OR9G4: variants seen among roughly 807,000 people sequenced by gnomAD.
OR9G4 encodes the protein olfactory receptor family 9 subfamily G member 4.
In OR9G4, 19 loss-of-function variants were observed where a neutral mutation model predicts 16.7. The ratio of observed to expected loss-of-function variants is 1.14; its 90% confidence interval spans 0.79 to 1.67. The LOEUF (loss-of-function observed/expected upper bound fraction) is 1.67. Ranked by LOEUF, OR9G4 falls within the 40% of genes most tolerant of loss-of-function variation. The pLI, the probability that OR9G4 is intolerant of heterozygous loss-of-function variation, is 0.00. For synonymous variants in OR9G4, 182 were observed against 146.2 expected, an observed-to-expected ratio of 1.24 and a Z score of -1.76; for missense variants, 428 against 370.4, an observed-to-expected ratio of 1.16 and a Z score of -1.28.
chr11:56,741,303 T>C lies in OR9G4; in HGVS notation c.*1525A>G, dbSNP rs1241489019. On this transcript the variant is annotated 3_prime_UTR_variant, in exon 2 of 2. Coordinates refer to ENST00000641668, the MANE Select transcript of OR9G4 (RefSeq NM_001005284.2). ...CTACAGTATTGTAGATTCAATTGAA[T>C]ACTGATACAGTTTTTAAAATTCAGT... is the stretch of plus-strand genomic sequence containing the variant. The C allele has an allele frequency of 5.5e-6, 1 of 183,142 alleles. No individual in the cohort carries two copies. Among genetic ancestry groups the C allele is most frequent in the Non-Finnish European group, 1.1e-5 (1 of 87,006 alleles). The allele number at this position is 183,142 out of a possible 1,614,324, so 11.3% of individuals were successfully genotyped here.
intron 1 of OR9G4, among the ~76,000 whole-genome samples, chr11:56,746,279 C>G (rs1023006350): frequency 3.8e-5 from 4 of 105,688 alleles, no homozygotes; most frequent in Non-Finnish European, 5.1e-5. Flanking sequence ...GGCGACAGAG[C>G]GAGACTCCGT....
chr11:56,745,985 C>G (rs1484244255), intron 1 of OR9G4, among the ~76,000 whole-genome samples: 1 of 152,030 alleles, frequency 6.6e-6, no homozygotes, highest in African/African-American at 2.4e-5. Context: ...CATACACATT[C>G]TTGTGTCCTT....
intron 1 of OR9G4, among the ~76,000 whole-genome samples, chr11:56,745,865 T>C (rs1590608889): frequency 1.3e-5 from 2 of 152,244 alleles, no homozygotes; most frequent in South Asian, 4.1e-4. Context: ...TTAACAGTCC[T>C]TACATACACA....
chr11:56,745,943 C>T (rs1278425249), intron 1 of OR9G4, among the ~76,000 whole-genome samples: 1 of 152,088 alleles, frequency 6.6e-6, no homozygotes, highest in Non-Finnish European at 1.5e-5. Flanking sequence ...TTGCTGAAGA[C>T]AACTGCACCC....
At chr11:56,745,025 T>C (rs1384117538) in intron 1 of OR9G4, among the ~76,000 whole-genome samples, 1 of 152,176 alleles carries the variant, frequency 6.6e-6, no homozygotes, top group African/African-American at 2.4e-5. Flanking sequence ...ATTCCCCACC[T>C]ACGTGTATTT....
At chr11:56,745,326 TG>T (rs762149564) in intron 1 of OR9G4, among the ~76,000 whole-genome samples, 5 of 152,202 alleles carry the variant, frequency 3.3e-5, no homozygotes, top group Non-Finnish European at 7.3e-5. Flanking sequence ...TTTAGGATTG[TG>T]GGGTCCAATA....
chr11:56,746,758 C>T (rs1268513071), intron 1 of OR9G4, among the ~76,000 whole-genome samples: 1 of 152,154 alleles, frequency 6.6e-6, no homozygotes, highest in African/African-American at 2.4e-5. Flanking sequence ...TCAGTCTACC[C>T]TGTTTCTTTC....
At position 56,742,368 on chromosome 11, in the gene OR9G4, C is replaced by T. The variant is rs1010283021; in HGVS notation, c.*460G>A. On this transcript the variant is annotated 3_prime_UTR_variant, in exon 2 of 2. Coordinates refer to ENST00000641668, the MANE Select transcript of OR9G4 (RefSeq NM_001005284.2). ...ATACTCCCTATATGCTCAATTAGAG[C>T]TTTCTGAAGAAATTTTGAGGAAATG... is the stretch of plus-strand genomic sequence containing the variant. 1.3e-5 allele frequency: 2 copies of T among 158,898 alleles called. No homozygotes were observed. The highest frequency in any genetic ancestry group is 2.8e-5 in the Non-Finnish European group (2 of 72,250). 9.8% of individuals were successfully genotyped at this position (158,898 alleles called of 1,614,324 possible).
At chr11:56,745,910 T>C (rs1015171927) in intron 1 of OR9G4, among the ~76,000 whole-genome samples, 27 of 152,208 alleles carry the variant, frequency 1.8e-4, no homozygotes, top group African/African-American at 6.3e-4. Context: ...TACCACTGTC[T>C]TGGTTGAAGT....
At chr11:56,744,894 A>C (rs2135060598) in intron 1 of OR9G4, among the ~76,000 whole-genome samples, 1 of 152,316 alleles carries the variant, frequency 6.6e-6, no homozygotes, top group Non-Finnish European at 1.5e-5. Context: ...AGACATGAGC[A>C]CGCCCAGGTG....
At chr11:56,747,524 C>T (rs1332198198) in intron 1 of OR9G4, among the ~76,000 whole-genome samples, 2 of 152,174 alleles carry the variant, frequency 1.3e-5, no homozygotes, top group Admixed American at 6.5e-5. Context: ...AACATCTATA[C>T]AGCAAAATAT....
rs770481218 is a variant in OR9G4 at position 56,743,313 on chromosome 11, C to A, written c.454G>T (p.Gly152Ter). 2 of 1,614,144 alleles carry A rather than the reference C, an allele frequency of 1.2e-6. No individual in the cohort carries two copies. Among genetic ancestry groups the A allele is most frequent in the Non-Finnish European group, 8.5e-7 (1 of 1,180,022 alleles). The part of the protein sequence containing the change: ...TGLVAGSYIG[G>*]FLNAIAHTAN... The stretch of plus-strand genomic sequence containing the variant: ...GTATGGGCTATGGCATTCAAAAATC[C>A]TCCTATGTAGGAGCCAGCAACAAGC... Residue 152 changes from glycine (G) to a stop codon, truncating the protein, a stop_gained, in exon 2 of 2, where the codon GGA becomes TGA. Transcript: ENST00000641668. LOFTEE classifies it high-confidence loss of function.
At position 56,743,572 on chromosome 11, in the gene OR9G4, A is replaced by C. The variant is rs751163106; in HGVS notation, c.195T>G (p.Asn65Lys). The C allele has an allele frequency of 6.2e-7, 1 of 1,614,206 alleles. No homozygotes were observed. The highest frequency in any genetic ancestry group is 8.5e-7 in the Non-Finnish European group (1 of 1,180,036). The part of the protein sequence containing the change: ...LHTPMYFFIG[N>K]LSFLDFWYTS... ...TATACCAGAAATCCAAAAAAGACAG[A>C]TTGCCAATGAAAAAGTACATAGGTG... is the stretch of plus-strand genomic sequence containing the variant. The change falls in exon 2 of 2, where the codon AAT becomes AAG. Residue 65 changes from asparagine to lysine, a missense_variant. Transcript: ENST00000641668.
rs1215634968 is a variant in OR9G4 at position 56,743,636 on chromosome 11, G to A, written c.131C>T (p.Thr44Ile). ...ATCAGTTCGGATTAAGATAACCAAG[G>A]TCATGTTTCCTGACAAGGTTATCAA... The part of the protein sequence containing the change: ...LYLITLSGNM[T>I]LVILIRTDSH... The change falls in exon 2 of 2, where the codon ACC becomes ATC. Residue 44 changes from threonine to isoleucine, a missense_variant. Thr to Ile is a moderately conservative substitution (Grantham distance 89, BLOSUM62 -1). Coordinates refer to ENST00000641668, the MANE Select transcript of OR9G4 (RefSeq NM_001005284.2). The A allele has an allele frequency of 4.3e-6, 7 of 1,613,810 alleles. No homozygotes were observed. The highest frequency in any genetic ancestry group is 2.2e-5 in the East Asian group (1 of 44,874).
Position 56,741,298 on chromosome 11 carries a change from T to C in OR9G4, c.*1530A>G, listed in dbSNP as rs1350023342. 2.2e-5 allele frequency: 4 copies of C among 180,314 alleles called. No homozygotes were observed. The highest frequency in any genetic ancestry group is 9.6e-5 in the South Asian group (1 of 10,412). 11.2% of individuals were successfully genotyped at this position (180,314 alleles called of 1,614,324 possible). A position where few individuals can be genotyped will look rare whatever the true frequency, so the allele number is the denominator to read the frequency against. Reference sequence around the variant, plus strand: ...ATATACTACAGTATTGTAGATTCAATTGAATACTGATACAGTTTTTAAAAT... The same window carrying C: ...ATATACTACAGTATTGTAGATTCAACTGAATACTGATACAGTTTTTAAAAT... On this transcript the variant is annotated 3_prime_UTR_variant, in exon 2 of 2. Transcript: ENST00000641668.
intron 1 of OR9G4, among the ~76,000 whole-genome samples, chr11:56,746,559 T>C (rs979911616): frequency 6.6e-6 from 1 of 152,212 alleles, no homozygotes; most frequent in African/African-American, 2.4e-5. Context: ...TTAAAAATTC[T>C]ACTAATGGAA....
chr11:56,744,133 T>C (rs1005697477), intron 1 of OR9G4, among the ~76,000 whole-genome samples: 4 of 152,016 alleles, frequency 2.6e-5, no homozygotes, highest in Admixed American at 6.6e-5. Context: ...AGTGGCGTGA[T>C]CTCCATTCAC....
In OR9G4 at chr11:56,743,048, G is replaced by C. The variant is rs189635244; in HGVS notation, c.719C>G (p.Thr240Ser). ...GACTGAGATGAGGTGGGAAGCACAGGTGGAGAATGCCTTGTGTCTTCCTGA... is the reference window on the plus strand; with the variant it reads ...GACTGAGATGAGGTGGGAAGCACAGCTGGAGAATGCCTTGTGTCTTCCTGA... ...SASGRHKAFS[T>S]CASHLISVML... Residue 240 changes from threonine to serine, a missense_variant, in exon 2 of 2, where the codon ACC (threonine) becomes AGC (serine). Transcript: ENST00000641668. 3 of 1,614,084 alleles carry C rather than the reference G, an allele frequency of 1.9e-6. No individual in the cohort carries two copies. The highest frequency in any genetic ancestry group is 2.7e-5 in the African/African-American group (2 of 75,030).
In OR9G4 at chr11:56,742,038, G is replaced by A. The variant is rs2135056429; in HGVS notation, c.*790C>T. 1 of 152,464 alleles carries A rather than the reference G, an allele frequency of 6.6e-6. No homozygotes were observed. The highest frequency in any genetic ancestry group is 2.1e-4 in the South Asian group (1 of 4,826). The allele number at this position is 152,464 out of a possible 1,614,324, so 9.4% of individuals were successfully genotyped here. On this transcript the variant is annotated 3_prime_UTR_variant, in exon 2 of 2. Coordinates refer to ENST00000641668, the MANE Select transcript of OR9G4 (RefSeq NM_001005284.2). Reference sequence around the variant, plus strand: ...GGTTCAGGCCAGGGACAAACATGCAGCTTATGTCTTTTGGTCAGGACAAAG... The same window carrying A: ...GGTTCAGGCCAGGGACAAACATGCAACTTATGTCTTTTGGTCAGGACAAAG...
Sources: gnomAD v4.1 joint callset for allele counts (sites outside exome capture counted in the v4.1 genomes callset) on GRCh38, gnomAD v4.1.1 for gene constraint, MANE v1.5 for transcripts, NCBI Gene and HGNC (gene_info 2026-07-23, HGNC 2026-07-21) for gene names.